The following TXNDC11 variants were observed in gnomAD, a reference collection of about 807,000 sequenced individuals.
The protein encoded by TXNDC11 is thioredoxin domain-containing protein 11.
In TXNDC11, 68 loss-of-function variants were observed where a neutral mutation model predicts 78.0. That is an observed-to-expected ratio of 0.87 (90% CI 0.72 to 1.07). The LOEUF is 1.07. TXNDC11 is among the 50% of genes least tolerant of loss of function. The pLI, the probability that TXNDC11 is intolerant of heterozygous loss-of-function variation, is 0.00. For synonymous variants in TXNDC11, 571 were observed against 495.2 expected (o/e 1.15, Z -2.03); for missense variants, 1,389 against 1,221.8 (o/e 1.14, Z -2.04).
intron 4 of TXNDC11, 24 bp downstream of exon 4, chr16:11,730,621 G>A (rs1293805368): frequency 6.2e-7 from 1 of 1,610,680 alleles, no homozygotes; most frequent in Non-Finnish European, 8.5e-7. Flanking sequence ...TGAGTATGGA[G>A]GAGGAGATAT....
In TXNDC11 at chr16:11,688,211, A is replaced by C. The variant is rs1597408548; in HGVS notation, c.2043+92T>G. 2.8e-6 allele frequency: 4 copies of C among 1,424,690 alleles called. No individual in the cohort carries two copies. In the East Asian group the frequency reaches 9.1e-5, roughly 33 times the overall value. 88.3% of individuals were successfully genotyped at this position (1,424,690 alleles called of 1,614,324 possible). On this transcript the variant is annotated intron_variant, in intron 9 of 11. Coordinates refer to ENST00000283033, the MANE Select transcript of TXNDC11 (RefSeq NM_015914.7). ...CCATCACGTGGTTACTCTTCTATAC[A>C]TCAAAAACAGCTGCTCACCCCAACA...
chr16:11,736,785 C>A (rs1597501720), intron 1 of TXNDC11, among the ~76,000 whole-genome samples: 1 of 152,314 alleles, frequency 6.6e-6, no homozygotes. Flanking sequence ...AGATATATAT[C>A]ATAATCCTAA....
intron 5 of TXNDC11, among the ~76,000 whole-genome samples, chr16:11,712,959 G>A (rs200742275): frequency 2.3e-5 from 2 of 87,864 alleles, no homozygotes; most frequent in African/African-American, 7.6e-5. Flanking sequence ...CACACACACA[G>A]AAATCAGTTG....
At position 11,687,923 on chromosome 16, in the gene TXNDC11, G is replaced by C; in HGVS notation, c.2087C>G (p.Pro696Arg). Residue 696 changes from proline to arginine, a missense_variant, in exon 10 of 12, where the codon CCA becomes CGA. Coordinates refer to ENST00000283033, the MANE Select transcript of TXNDC11 (RefSeq NM_015914.7). ...CTGGATGAAGATGTGATTGAGGGAT[G>C]GACAGAAGCCGCACCACGGAGCGTA... ...LYYAPWCGFC[P>R]SLNHIFIQLA... The C allele has an allele frequency of 6.2e-7, 1 of 1,613,936 alleles. No homozygotes were observed. The highest frequency in any genetic ancestry group is 8.5e-7 in the Non-Finnish European group (1 of 1,179,918).
At chr16:11,710,926 C>A (rs1400004300) in intron 5 of TXNDC11, among the ~76,000 whole-genome samples, 1 of 152,040 alleles carries the variant, frequency 6.6e-6, no homozygotes, top group Non-Finnish European at 1.5e-5. Flanking sequence ...AACTAGAAAC[C>A]AAGACAGGCT....
intron 8 of TXNDC11, 51 bp from the exon 9 acceptor site, chr16:11,688,496 T>C (rs774533351): frequency 1.0e-5 from 15 of 1,444,224 alleles, no homozygotes; most frequent in African/African-American, 4.3e-5. Flanking sequence ...ACAAAGAGAA[T>C]AGCTGGCCTA....
intron 6 of TXNDC11, 123 bp from the exon 7 acceptor site, chr16:11,698,448 TG>T: frequency 1.3e-6 from 1 of 779,832 alleles, no homozygotes; most frequent in African/African-American, 1.7e-5. Flanking sequence ...GAGCGGGGCC[TG>T]GCCCCACTGT....
rs535913245 is a variant in TXNDC11, at chr16:11,694,097, C to CTTTT, written c.1108-2019_1108-2016dup. ...AGAAAGTATTCTGTCTACAGCAATG[C>CTTTT]TTTTTTTTTTTTTTTTTTTTTTTTT... On this transcript the variant is annotated intron_variant, in intron 7 of 11. Transcript: ENST00000283033. Among the ~76,000 whole-genome samples the CTTTT allele has an allele frequency of 2.2e-3, 186 of 85,674 alleles. 44 individuals carry two copies. Among genetic ancestry groups the CTTTT allele is most frequent in the African/African-American group, 8.1e-3 (165 of 20,494 alleles). 56.2% of individuals were successfully genotyped at this position (85,674 alleles called of 152,430 possible). A position where few individuals can be genotyped will look rare whatever the true frequency, so the allele number is the denominator to read the frequency against.
chr16:11,696,377 C>T (rs1455960407), intron 7 of TXNDC11, among the ~76,000 whole-genome samples: 1 of 152,214 alleles, frequency 6.6e-6, no homozygotes, highest in Non-Finnish European at 1.5e-5. Context: ...CCTCTGGTTC[C>T]TCCTGACCCT....
chr16:11,719,765 A>T (rs1364545147), intron 5 of TXNDC11, among the ~76,000 whole-genome samples: 1 of 152,196 alleles, frequency 6.6e-6, no homozygotes, highest in East Asian at 1.9e-4. Flanking sequence ...AAAGACATTA[A>T]ATAAATCATC....
In TXNDC11 at chr16:11,691,442, T is replaced by G; in HGVS notation, c.1748A>C (p.Tyr583Ser). The change falls in exon 8 of 12, where the codon TAC (tyrosine) becomes TCC (serine). Residue 583 changes from tyrosine to serine, a missense_variant. Coordinates refer to ENST00000283033, the MANE Select transcript of TXNDC11 (RefSeq NM_015914.7). ...CCAAAACAAATTTGAATCCAAAAGG[T>G]AGATGTTGAGAGTCTTGTTGGTTCT... ...SCRTNKTLNIYLLDSNLFWLY... is the reference protein window; with the variant it reads ...SCRTNKTLNISLLDSNLFWLY... 6.2e-7 allele frequency: 1 copy of G among 1,614,058 alleles called. No homozygotes were observed. Among genetic ancestry groups the G allele is most frequent in the Non-Finnish European group, 8.5e-7 (1 of 1,180,006 alleles).
chr16:11,723,217 C>A (rs1174311882), intron 4 of TXNDC11, among the ~76,000 whole-genome samples: 6 of 151,690 alleles, frequency 4.0e-5, no homozygotes, highest in Non-Finnish European at 1.5e-5. Context: ...GAGATCATGC[C>A]CCTGCACTCC....
At chr16:11,740,953 T>C (rs945070950) in intron 1 of TXNDC11, among the ~76,000 whole-genome samples, 2 of 152,180 alleles carry the variant, frequency 1.3e-5, no homozygotes, top group African/African-American at 2.4e-5. Flanking sequence ...CATCTAACAA[T>C]GTCTGAAGCC....
intron 9 of TXNDC11, 34 bp downstream of exon 9, chr16:11,688,269 G>A: frequency 6.2e-7 from 1 of 1,604,010 alleles, no homozygotes. Flanking sequence ...AAGAGGGACA[G>A]ATGGCTTAAC....
chr16:11,700,744 T>C (rs1002422342), intron 5 of TXNDC11, among the ~76,000 whole-genome samples, 180 bp from the exon 6 acceptor site: 5 of 152,138 alleles, frequency 3.3e-5, no homozygotes, highest in African/African-American at 1.2e-4. Flanking sequence ...CCTCGGCCCC[T>C]CAGATGTCAA....
intron 6 of TXNDC11, 39 bp from the exon 7 acceptor site, chr16:11,698,364 G>A (rs201068794): frequency 1.6e-5 from 26 of 1,582,974 alleles, no homozygotes; most frequent in East Asian, 4.5e-5. Flanking sequence ...AGGAGAGCTC[G>A]TGAGGTGGGG....
At chr16:11,694,858 T>A (rs1009501399) in intron 7 of TXNDC11, among the ~76,000 whole-genome samples, 2 of 152,282 alleles carry the variant, frequency 1.3e-5, no homozygotes, top group South Asian at 4.1e-4. Flanking sequence ...ACAACTCATG[T>A]CACATTCTGT....
At position 11,691,714 on chromosome 16, in the gene TXNDC11, G is replaced by A. The variant is rs774050186; in HGVS notation, c.1476C>T (p.Cys492=). 13 of 1,614,188 alleles carry A rather than the reference G, an allele frequency of 8.1e-6. No individual in the cohort carries two copies. Among genetic ancestry groups the A allele is most frequent in the Admixed American group, 3.3e-5 (2 of 60,016 alleles). The change falls in exon 8 of 12, where the codon TGC becomes TGT. Residue 492 remains cysteine (C), a synonymous_variant. Coordinates refer to ENST00000283033, the MANE Select transcript of TXNDC11 (RefSeq NM_015914.7). ...GGCTATAGGAAGTTAAAAAATTGCT[G>A]CATTCTATGCTGTCTGATGCCACAT... ...FYHVASDSIE[C]SNFLTSYSPF... is the part of the protein sequence containing the mutation.
chr16:11,701,228 A>G (rs1437331477), intron 5 of TXNDC11, among the ~76,000 whole-genome samples: 1 of 137,450 alleles, frequency 7.3e-6, no homozygotes, highest in Non-Finnish European at 1.5e-5. Flanking sequence ...CCTCCGTCTC[A>G]TGGGCTCAAG....
Sources: gnomAD v4.1 joint callset for allele counts (sites outside exome capture counted in the v4.1 genomes callset) on GRCh38, gnomAD v4.1.1 for gene constraint, MANE v1.5 for transcripts, NCBI Gene and HGNC (gene_info 2026-07-23, HGNC 2026-07-21) for gene names.